Variants in KLRF1 observed in about 807,000 individuals in gnomAD.
KLRF1 encodes the protein killer cell lectin-like receptor subfamily F member 1.
Under a neutral mutation model 30.7 loss-of-function variants are expected in KLRF1, and 27 were observed. The ratio of observed to expected loss-of-function variants is 0.88; its 90% CI spans 0.65 to 1.21. The LOEUF is 1.21. Among genes scored for constraint, KLRF1 ranks in the 50% most tolerant of loss-of-function variants. The pLI is 0.00. For synonymous variants in KLRF1, 92 were observed against 89.3 expected (o/e 1.03, Z -0.17); for missense variants, 246 against 259.3 (o/e 0.95, Z 0.35).
intron 3 of KLRF1, among the ~76,000 whole-genome samples, chr12:9,836,134 G>T (rs1867570606): frequency 6.6e-6 from 1 of 152,026 alleles, no homozygotes; most frequent in Non-Finnish European, 1.5e-5. Context: ...TTGGTAGTGT[G>T]GTGGAGATAG....
chr12:9,816,707 A>G, the KLRF1 span, among the ~76,000 whole-genome samples: 14 of 149,914 alleles, frequency 9.3e-5, no homozygotes, highest in Admixed American at 2.0e-4. Flanking sequence ...TGCCTCTAAA[A>G]CTTGTCCTCT....
At chr12:9,804,705 G>A in the KLRF1 span, among the ~76,000 whole-genome samples, 4 of 152,080 alleles carry the variant, frequency 2.6e-5, no homozygotes, top group African/African-American at 7.2e-5. Context: ...AGATATCCTT[G>A]TCTTGTTCCT....
At chr12:9,811,375 C>G in the KLRF1 span, among the ~76,000 whole-genome samples, 1 of 139,804 alleles carries the variant, frequency 7.2e-6, no homozygotes, top group Admixed American at 7.1e-5. Context: ...CAGATTAAAA[C>G]TGTCCAGGCT....
In KLRF1 at chr12:9,841,899, A is replaced by G; in HGVS notation, c.422A>G (p.Tyr141Cys). The part of the protein sequence containing the change: ...EMKSWSDSYV[Y>C]CLERKSHLLI... ...AAAAGCTGGAGTGACAGTTATGTGTATTGTTTGGAAAGAAAATCTCATCTA... is the reference window on the plus strand; with the variant it reads ...AAAAGCTGGAGTGACAGTTATGTGTGTTGTTTGGAAAGAAAATCTCATCTA... The change falls in exon 4 of 6, where the codon TAT (tyrosine) becomes TGT (cysteine). Residue 141 changes from tyrosine to cysteine, a missense_variant. Physicochemically the swap from Tyr to Cys is radical, Grantham distance 194 (BLOSUM62 -2). Coordinates refer to ENST00000617889, the MANE Select transcript of KLRF1 (RefSeq NM_016523.3). 6.2e-7 allele frequency: 1 copy of G among 1,612,154 alleles called. No homozygotes were observed.
the KLRF1 span, among the ~76,000 whole-genome samples, chr12:9,820,631 C>T: frequency 6.6e-6 from 1 of 152,152 alleles, no homozygotes; most frequent in African/African-American, 2.4e-5. Context: ...TGCTGGACCT[C>T]ACTTCTCCTC....
intron 5 of KLRF1, among the ~76,000 whole-genome samples, chr12:9,843,407 A>G (rs1178526982): frequency 3.3e-5 from 5 of 152,226 alleles, no homozygotes; most frequent in Non-Finnish European, 7.3e-5. Context: ...ATAGAAAAAT[A>G]GTACATTATA....
the KLRF1 span, among the ~76,000 whole-genome samples, chr12:9,807,651 G>A: frequency 2.6e-5 from 4 of 152,008 alleles, no homozygotes; most frequent in African/African-American, 9.7e-5. Flanking sequence ...GTTTATTCCT[G>A]TTGATTCAAG....
At chr12:9,819,016 G>T in the KLRF1 span, among the ~76,000 whole-genome samples, 1 of 152,202 alleles carries the variant, frequency 6.6e-6, no homozygotes, top group East Asian at 1.9e-4. Flanking sequence ...AGCCAGGGGA[G>T]CCTTCCCCAC....
the KLRF1 span, among the ~76,000 whole-genome samples, chr12:9,819,599 G>T: frequency 6.6e-6 from 1 of 152,058 alleles, no homozygotes; most frequent in Admixed American, 6.5e-5. Context: ...CCTCACTGAG[G>T]TCCACAACCA....
rs1867560354 is a variant in KLRF1, at chr12:9,835,683, A to G, written c.334+2231A>G. On this transcript the variant is annotated intron_variant, in intron 3 of 5. Transcript: ENST00000617889. ...TTGTTTCGGTGACATGCATAGCTGG[A>G]CTTTGGAGATGAAGAGTAAAGGAAC... Among the ~76,000 whole-genome samples, 5 of 152,102 alleles carry G rather than the reference A, an allele frequency of 3.3e-5. No homozygotes were observed. The South Asian group carries it at 1.0e-3, about 32-fold the overall frequency.
Position 9,828,458 on chromosome 12 carries a change from C to G in KLRF1, c.85+829C>G, listed in dbSNP as rs140245272. ...GTTGACTCAAAATAAAGTTTATACA[C>G]CAGCAATCAACATTTTAATTTGCTA... On this transcript the variant is annotated intron_variant, in intron 1 of 5. Coordinates refer to ENST00000617889, the MANE Select transcript of KLRF1 (RefSeq NM_016523.3). Among the ~76,000 whole-genome samples the G allele has an allele frequency of 3.6e-3, 552 of 152,260 alleles. 2 individuals are homozygous for G. Among genetic ancestry groups the G allele is most frequent in the African/African-American group, 0.012 (509 of 41,534 alleles).
At chr12:9,844,193 A>T (rs1867762568) in intron 5 of KLRF1, among the ~76,000 whole-genome samples, 1 of 152,130 alleles carries the variant, frequency 6.6e-6, no homozygotes, top group Non-Finnish European at 1.5e-5. Context: ...ATGTGGAGGG[A>T]AATTTATTCT....
the KLRF1 span, chr12:9,818,014 A>G: frequency 4.8e-6 from 1 of 208,582 alleles, no homozygotes; most frequent in Non-Finnish European, 1.1e-5. Flanking sequence ...TACTGTCATC[A>G]TTGTCATCAT....
intron 5 of KLRF1, 63 bp downstream of exon 5, chr12:9,842,496 T>C: frequency 6.8e-7 from 1 of 1,466,138 alleles, no homozygotes. Flanking sequence ...TCCTCCAGGT[T>C]CACCAAATTC....
chr12:9,824,368 A>G (rs1186812946), upstream of KLRF1, among the ~76,000 whole-genome samples: 1 of 152,194 alleles, frequency 6.6e-6, no homozygotes. Context: ...AAACACAAAA[A>G]TCACATGATT....
chr12:9,817,363 G>A, the KLRF1 span: 30 of 313,314 alleles, frequency 9.6e-5, no homozygotes, highest in Non-Finnish European at 1.8e-4. Flanking sequence ...TGCTGCATAA[G>A]CCAGCAGTTC....
chr12:9,844,715 T>C lies in KLRF1; in HGVS notation c.*189T>C. On this transcript the variant is annotated 3_prime_UTR_variant, in exon 6 of 6. Transcript: ENST00000617889. ...CTGTTAACAAACTAAAATGTACACT[T>C]CAAAATTTTTACGTGATAGTATAAA... is the stretch of plus-strand genomic sequence containing the variant. 2.4e-6 allele frequency: 1 copy of C among 424,676 alleles called. No homozygotes were observed. Among genetic ancestry groups the C allele is most frequent in the Non-Finnish European group, 4.3e-6 (1 of 233,064 alleles). 26.3% of individuals were successfully genotyped at this position (424,676 alleles called of 1,614,324 possible).
At chr12:9,836,818 T>A (rs1472302669) in intron 3 of KLRF1, among the ~76,000 whole-genome samples, 1 of 152,152 alleles carries the variant, frequency 6.6e-6, no homozygotes, top group African/African-American at 2.4e-5. Flanking sequence ...TGTCACTGTG[T>A]TGGGTATCAT....
the KLRF1 span, among the ~76,000 whole-genome samples, chr12:9,818,268 T>G: frequency 6.6e-6 from 1 of 152,196 alleles, no homozygotes; most frequent in Non-Finnish European, 1.5e-5. Flanking sequence ...GATGTATCAA[T>G]TCTCCTCTGG....
Sources: allele counts gnomAD v4.1 joint callset (sites outside exome capture counted in the v4.1 genomes callset), GRCh38; gene constraint gnomAD v4.1.1; transcripts MANE v1.5; gene names NCBI Gene and HGNC (gene_info 2026-07-23, HGNC 2026-07-21).